The following SLC14A2 variants were observed in gnomAD, a reference collection of about 807,000 sequenced individuals.
The protein encoded by SLC14A2 is urea transporter 2.
Under a neutral mutation model 104.6 loss-of-function variants are expected in SLC14A2, and 91 were observed. That is an observed-to-expected ratio of 0.87 (90% CI 0.73 to 1.04). SLC14A2 has a LOEUF of 1.04. Among genes scored for constraint, SLC14A2 ranks in the 50% least tolerant of loss-of-function variants. The pLI is 0.00. For synonymous variants in SLC14A2, 476 were observed against 466.4 expected, an observed-to-expected ratio of 1.02 and a Z score of -0.27; for missense variants, 1,189 against 1,156.0, an observed-to-expected ratio of 1.03 and a Z score of -0.41.
chr18:45,399,604 T>C (rs754810702), intron 1 of SLC14A2, among the ~76,000 whole-genome samples: 1 of 152,164 alleles, frequency 6.6e-6, no homozygotes, highest in African/African-American at 2.4e-5. Context: ...TTTTTTTCCC[T>C]TTTATTATTC....
At chr18:45,261,061 G>C (rs1186495251) in intron 1 of SLC14A2, among the ~76,000 whole-genome samples, 3 of 151,228 alleles carry the variant, frequency 2.0e-5, no homozygotes, top group Non-Finnish European at 4.4e-5. Context: ...TGTGCACAAT[G>C]TTCAGGTTAG....
intron 1 of SLC14A2, among the ~76,000 whole-genome samples, chr18:45,289,363 A>G (rs924225807): frequency 2.0e-4 from 30 of 152,240 alleles, no homozygotes; most frequent in African/African-American, 7.2e-4. Flanking sequence ...AGTCACCTCC[A>G]TAGTGGTTCT....
At chr18:45,558,244 T>G (rs1368284180) in intron 2 of SLC14A2, among the ~76,000 whole-genome samples, 1 of 152,190 alleles carries the variant, frequency 6.6e-6, no homozygotes, top group Non-Finnish European at 1.5e-5. Context: ...TGCTGTCTCC[T>G]TATTGTAGAC....
At chr18:45,597,860 A>G (rs1276460425) in intron 2 of SLC14A2, among the ~76,000 whole-genome samples, 1 of 152,152 alleles carries the variant, frequency 6.6e-6, no homozygotes, top group Non-Finnish European at 1.5e-5. Flanking sequence ...AGTACATTCC[A>G]GATATAATTT....
At chr18:45,248,470 T>C (rs899418046) in intron 1 of SLC14A2, among the ~76,000 whole-genome samples, 3 of 151,368 alleles carry the variant, frequency 2.0e-5, no homozygotes, top group African/African-American at 7.3e-5. Context: ...CTTGGCCTGT[T>C]CCCCCCGAGA....
At chr18:45,565,893 G>A (rs2044259461) in intron 2 of SLC14A2, among the ~76,000 whole-genome samples, 1 of 152,208 alleles carries the variant, frequency 6.6e-6, no homozygotes, top group Non-Finnish European at 1.5e-5. Context: ...GAAGAAAGTT[G>A]CCTTGCCCTT....
At chr18:45,231,656 C>A (rs1234148528) in intron 1 of SLC14A2, among the ~76,000 whole-genome samples, 3 of 152,194 alleles carry the variant, frequency 2.0e-5, no homozygotes, top group Non-Finnish European at 4.4e-5. Context: ...TTCATGCCAT[C>A]CATTACATAG....
chr18:45,483,575 C>T (rs944538796), intron 2 of SLC14A2: 2 of 152,036 alleles, frequency 1.3e-5, no homozygotes, highest in Non-Finnish European at 2.9e-5. Flanking sequence ...GGGATAGGTT[C>T]TATTTATATG....
chr18:45,656,586 G>A (rs1016921814), intron 10 of SLC14A2, among the ~76,000 whole-genome samples: 3 of 152,168 alleles, frequency 2.0e-5, no homozygotes, highest in Non-Finnish European at 2.9e-5. Context: ...CTGAGGGTGT[G>A]GGCCAGGGTA....
chr18:45,578,724 G>A (rs539796504), intron 2 of SLC14A2, among the ~76,000 whole-genome samples: 1 of 152,320 alleles, frequency 6.6e-6, no homozygotes, highest in South Asian at 2.1e-4. Flanking sequence ...GCCTCCTCAA[G>A]CCTCTGATTC....
At chr18:45,293,000 C>G (rs779179845) in intron 1 of SLC14A2, among the ~76,000 whole-genome samples, 4 of 151,400 alleles carry the variant, frequency 2.6e-5, no homozygotes, top group Non-Finnish European at 5.9e-5. Flanking sequence ...CCTGCCCCCC[C>G]GCAAAAAAAA....
chr18:45,640,807 C>A (rs2045513785), intron 7 of SLC14A2, among the ~76,000 whole-genome samples: 1 of 152,184 alleles, frequency 6.6e-6, no homozygotes, highest in Admixed American at 6.5e-5. Flanking sequence ...CTACATATAT[C>A]CATAAGTGTA....
chr18:45,483,157 G>A (rs1188918798), intron 1 of SLC14A2: 1 of 151,940 alleles, frequency 6.6e-6, no homozygotes, highest in African/African-American at 2.4e-5. Context: ...TTTTAAAAGA[G>A]TAAATATTAT....
At chr18:45,225,618 C>T (rs1006750512) in intron 1 of SLC14A2, among the ~76,000 whole-genome samples, 3 of 152,154 alleles carry the variant, frequency 2.0e-5, no homozygotes, top group African/African-American at 7.2e-5. Context: ...TTCTTCCTAT[C>T]CATGAGCATG....
At position 45,217,851 on chromosome 18, in the gene SLC14A2, C is replaced by T. The variant is rs555044294; in HGVS notation, c.-125+4660C>T. 2.6e-5 allele frequency among the ~76,000 whole-genome samples: 4 copies of T among 152,190 alleles called. No homozygotes were observed. The South Asian group carries it at 8.3e-4, about 32-fold the overall frequency. ...TTTCCATTTCAAAGCTGCTGTGTTGCTTTACCTCCTATATCACAGAAGAAT... is the reference window on the plus strand; with the variant it reads ...TTTCCATTTCAAAGCTGCTGTGTTGTTTTACCTCCTATATCACAGAAGAAT... On this transcript the variant is annotated intron_variant, in intron 1 of 20. Transcript: ENST00000586448.
chr18:45,283,763 C>A (rs768168796), intron 1 of SLC14A2, among the ~76,000 whole-genome samples: 1 of 152,078 alleles, frequency 6.6e-6, no homozygotes, highest in East Asian at 1.9e-4. Flanking sequence ...TAGAGATATG[C>A]CCCCTCGTGG....
chr18:45,418,002 G>T (rs1226076059), intron 1 of SLC14A2, among the ~76,000 whole-genome samples: 1 of 152,114 alleles, frequency 6.6e-6, no homozygotes, highest in African/African-American at 2.4e-5. Context: ...CAGCTAAGTG[G>T]GAAGACTTGG....
At chr18:45,644,235 T>C (rs2045582851) in intron 10 of SLC14A2, 75 bp downstream of exon 10, 2 of 1,474,158 alleles carry the variant, frequency 1.4e-6, no homozygotes, top group Non-Finnish European at 9.4e-7. Context: ...CTGCTCTGGT[T>C]CAATCAGTTG....
chr18:45,511,097 GT>G (rs34545088), intron 2 of SLC14A2, among the ~76,000 whole-genome samples: 1 of 150,620 alleles, frequency 6.6e-6, no homozygotes, highest in Non-Finnish European at 1.5e-5. Context: ...TTTTATTGTT[GT>G]TTTTTTTTCT....
Sources: gnomAD v4.1 joint callset for allele counts (sites outside exome capture counted in the v4.1 genomes callset) on GRCh38, gnomAD v4.1.1 for gene constraint, MANE v1.5 for transcripts, NCBI Gene and HGNC (gene_info 2026-07-23, HGNC 2026-07-21) for gene names.